TBCK: variants seen among roughly 807,000 people sequenced by gnomAD.
TBCK encodes the protein TBC1 domain containing kinase.
A neutral mutation model predicts 113.4 loss-of-function variants in TBCK; 99 were observed. The ratio of observed to expected loss-of-function variants is 0.87; its 90% CI spans 0.74 to 1.03. TBCK has a LOEUF of 1.03. Among genes scored for constraint, TBCK ranks in the 50% least tolerant of loss-of-function variants. The pLI, the probability that TBCK is intolerant of heterozygous loss-of-function variation, is 0.00. For synonymous variants in TBCK, 369 were observed against 370.8 expected, an observed-to-expected ratio of 1.00 and a Z score of 0.05; for missense variants, 1,045 against 1,061.3, an observed-to-expected ratio of 0.98 and a Z score of 0.21.
intron 25 of TBCK, among the ~76,000 whole-genome samples, chr4:106,094,953 A>G (rs1455152016): frequency 6.6e-6 from 1 of 152,114 alleles, no homozygotes; most frequent in African/African-American, 2.4e-5. Flanking sequence ...AAATAAAGAT[A>G]TTTTTGGCCT....
rs747132536 is a variant in TBCK, at chr4:106,235,229, G to A, written c.1449+40C>T. 1.4e-5 allele frequency: 19 copies of A among 1,370,184 alleles called. No homozygotes were observed. The South Asian group carries it at 2.5e-4, about 18-fold the overall frequency. 84.9% of individuals were successfully genotyped at this position (1,370,184 alleles called of 1,614,324 possible). The stretch of plus-strand genomic sequence containing the variant: ...CACTCTCCTTCTCCATCCTTTCTTT[G>A]CATAATTAATCAGCTTCTAACCTTT... On this transcript the variant is annotated intron_variant, in intron 15 of 25. Transcript: ENST00000394708.
rs576318702 is a variant in TBCK, at chr4:106,087,927, A to G, written c.2571+7555T>C. 2.0e-4 allele frequency among the ~76,000 whole-genome samples: 30 copies of G among 152,178 alleles called. No homozygotes were observed. The South Asian group carries it at 5.6e-3, about 28-fold the overall frequency. On this transcript the variant is annotated intron_variant, in intron 25 of 25. Coordinates refer to ENST00000394708, the MANE Select transcript of TBCK (RefSeq NM_001163435.3). ...GAAACTGGAACTGGCCTGGAGCCCT[A>G]CCTTATGTCTTATACAAAAATTAAC... is the stretch of plus-strand genomic sequence containing the variant.
chr4:106,191,960 G>C (rs1753718651), intron 22 of TBCK, among the ~76,000 whole-genome samples: 1 of 152,094 alleles, frequency 6.6e-6, no homozygotes, highest in Admixed American at 6.6e-5. Flanking sequence ...TCTCTTGAAT[G>C]ATCATTAGTA....
chr4:106,149,900 G>C (rs574542388), intron 23 of TBCK, among the ~76,000 whole-genome samples: 1 of 152,214 alleles, frequency 6.6e-6, no homozygotes, highest in East Asian at 1.9e-4. Flanking sequence ...CTAAGTTGAA[G>C]TAATGGGTTT....
At chr4:106,286,260 T>C (rs1703276476) in intron 3 of TBCK, among the ~76,000 whole-genome samples, 1 of 152,228 alleles carries the variant, frequency 6.6e-6, no homozygotes, top group Non-Finnish European at 1.5e-5. Flanking sequence ...TAAAAGATCA[T>C]GTAAATTTTG....
At chr4:106,236,707 C>A in intron 13 of TBCK, 52 bp downstream of exon 13, 1 of 1,105,774 alleles carries the variant, frequency 9.0e-7, no homozygotes, top group Non-Finnish European at 1.2e-6. Flanking sequence ...TCTTATAAAT[C>A]TAATATAAAT....
At chr4:106,281,282 ATTCAT>A (rs1348953469) in intron 3 of TBCK, among the ~76,000 whole-genome samples, 2 of 148,902 alleles carry the variant, frequency 1.3e-5, no homozygotes, top group Non-Finnish European at 3.0e-5. Flanking sequence ...ACTTTACTGA[ATTCAT>A]TTATCACTTC....
At position 106,263,892 on chromosome 4, in the gene TBCK, G is replaced by A. The variant is rs1449479292; in HGVS notation, c.267-1680C>T. ...TTACTAACTCTTCACTATGCAAGAGGATATAATTGACGTATTTTCACAACT... is the reference window on the plus strand; with the variant it reads ...TTACTAACTCTTCACTATGCAAGAGAATATAATTGACGTATTTTCACAACT... On this transcript the variant is annotated intron_variant, in intron 3 of 25. Coordinates refer to ENST00000394708, the MANE Select transcript of TBCK (RefSeq NM_001163435.3). 2.6e-5 allele frequency among the ~76,000 whole-genome samples: 4 copies of A among 151,842 alleles called. No homozygotes were observed. In the East Asian group the frequency reaches 5.8e-4, roughly 22 times the overall value.
At chr4:106,117,230 C>T (rs978927043) in intron 23 of TBCK, among the ~76,000 whole-genome samples, 2 of 152,144 alleles carry the variant, frequency 1.3e-5, no homozygotes, top group East Asian at 1.9e-4. Flanking sequence ...GTACATTTCA[C>T]TTTTCTTTAA....
chr4:106,312,693 A>T (rs547781902), intron 1 of TBCK, among the ~76,000 whole-genome samples: 1 of 152,344 alleles, frequency 6.6e-6, no homozygotes, highest in African/African-American at 2.4e-5. Context: ...ACCAGAAGCA[A>T]TGCAAATGTC....
intron 23 of TBCK, among the ~76,000 whole-genome samples, chr4:106,158,370 C>T (rs1222857385): frequency 6.6e-6 from 1 of 152,074 alleles, no homozygotes; most frequent in African/African-American, 2.4e-5. Context: ...TGGTAAAACC[C>T]TGCTTCTACT....
At chr4:106,180,060 G>C (rs1560772814) in intron 22 of TBCK, among the ~76,000 whole-genome samples, 1 of 151,732 alleles carries the variant, frequency 6.6e-6, no homozygotes, top group Non-Finnish European at 1.5e-5. Context: ...AGTTGCTTCA[G>C]CTCTCTCTAT....
chr4:106,121,379 C>T (rs1443864369), intron 23 of TBCK, among the ~76,000 whole-genome samples: 1 of 143,736 alleles, frequency 7.0e-6, no homozygotes, highest in Non-Finnish European at 1.5e-5. Context: ...TAAAGCAAGT[C>T]CTGAGTGACC....
rs369448379 is a variant in TBCK, at chr4:106,231,843, T to C, written c.1640-64A>G. 1.1e-4 allele frequency: 156 copies of C among 1,382,568 alleles called. 1 individual carries two copies. In the African/African-American group the frequency reaches 1.9e-3, roughly 17 times the overall value. 85.6% of individuals were successfully genotyped at this position (1,382,568 alleles called of 1,614,324 possible). A position where few individuals can be genotyped will look rare whatever the true frequency, so the allele number is the denominator to read the frequency against. ...ATAATCTAGTAGAATTGAAGATATA[T>C]ACCTTATTCAATTCTTTGCATTACC... is the stretch of plus-strand genomic sequence containing the variant. On this transcript the variant is annotated intron_variant, in intron 17 of 25. Transcript: ENST00000394708.
At chr4:106,121,554 A>G in intron 23 of TBCK, among the ~76,000 whole-genome samples, 1 of 151,964 alleles carries the variant, frequency 6.6e-6, no homozygotes, top group Admixed American at 6.6e-5. Flanking sequence ...TCTCCACCCT[A>G]AATCAACAGA....
rs765759448 is a variant in TBCK, at chr4:106,193,624, A to C, written c.2044T>G (p.Phe682Val). ...ANGFNECILL[F>V]SDLPEIDIER... ...AGATCTATACCTGGTAAATCGGAGA[A>C]GAGAAGAATACACTCATTAAAGCCA... The change falls in exon 22 of 26, where the codon TTC becomes GTC. Residue 682 changes from phenylalanine to valine, a missense_variant. Phe to Val is a conservative substitution (Grantham distance 50). Coordinates refer to ENST00000394708, the MANE Select transcript of TBCK (RefSeq NM_001163435.3). 3 of 1,613,458 alleles carry C rather than the reference A, an allele frequency of 1.9e-6. No homozygotes were observed. Among genetic ancestry groups the C allele is most frequent in the Non-Finnish European group, 2.5e-6 (3 of 1,179,548 alleles).
At chr4:106,286,216 T>G (rs1765092441) in intron 3 of TBCK, among the ~76,000 whole-genome samples, 1 of 152,220 alleles carries the variant, frequency 6.6e-6, no homozygotes. Flanking sequence ...TACTATATGT[T>G]CTATTTAAAA....
rs1051995865 is a variant in TBCK at position 106,230,464 on chromosome 4, A to C, written c.1691-18T>G. The C allele has an allele frequency of 1.3e-6, 2 of 1,521,940 alleles. No homozygotes were observed. The highest frequency in any genetic ancestry group is 1.8e-6 in the Non-Finnish European group (2 of 1,111,312). 94.3% of individuals were successfully genotyped at this position (1,521,940 alleles called of 1,614,324 possible). The stretch of plus-strand genomic sequence containing the variant: ...AGCCAAGGCTAAAAGAGAATAAGGC[A>C]AAGGCATGTAAAAAATTAGTTAACA... On this transcript the variant is annotated intron_variant, in intron 18 of 25. Coordinates refer to ENST00000394708, the MANE Select transcript of TBCK (RefSeq NM_001163435.3).
chr4:106,287,038 A>G (rs1268083285), intron 3 of TBCK, among the ~76,000 whole-genome samples: 1 of 152,180 alleles, frequency 6.6e-6, no homozygotes, highest in East Asian at 1.9e-4. Flanking sequence ...AAATGTGGAG[A>G]TAAGAGACTA....
Sources: allele counts gnomAD v4.1 joint callset (sites outside exome capture counted in the v4.1 genomes callset), GRCh38; gene constraint gnomAD v4.1.1; transcripts MANE v1.5; gene names NCBI Gene and HGNC (gene_info 2026-07-23, HGNC 2026-07-21).